Variants in SIK3 observed in about 807,000 individuals in gnomAD.
SIK3 encodes SIK family kinase 3, also known as serine/threonine-protein kinase SIK3.
Under a neutral mutation model 144.2 loss-of-function variants are expected in SIK3, and 28 were observed. That is an observed-to-expected ratio of 0.19 (90% CI 0.14 to 0.27). The LOEUF (loss-of-function observed/expected upper bound fraction) is 0.27, where lower values mean the gene tolerates loss of function less well. Among genes scored for constraint, SIK3 ranks in the 10% least tolerant of loss-of-function variants. The pLI is 1.00. For synonymous variants in SIK3, 686 were observed against 676.3 expected (o/e 1.01, Z -0.22); for missense variants, 1,319 against 1,776.0 (o/e 0.74, Z 4.62).
chr11:116,847,392 T>A, intron 23 of SIK3, 84 bp downstream of exon 23: 28 of 1,580,652 alleles, frequency 1.8e-5, no homozygotes, highest in Non-Finnish European at 2.4e-5. Flanking sequence ...GAGCTCTTCC[T>A]ACGAAGAGAG....
chr11:116,898,463 G>A (rs1294250271), intron 4 of SIK3, among the ~76,000 whole-genome samples: 1 of 151,894 alleles, frequency 6.6e-6, no homozygotes, highest in Non-Finnish European at 1.5e-5. Flanking sequence ...ATAGCAACAT[G>A]ATTTATAGTC....
In SIK3 at chr11:116,859,410, C is replaced by T; in HGVS notation, c.2620G>A (p.Ala874Thr). Residue 874 changes from alanine to threonine, a missense_variant, in exon 20 of 25, where the codon GCA (alanine) becomes ACA (threonine). Coordinates refer to ENST00000445177, the MANE Select transcript of SIK3 (RefSeq NM_001366686.3). The part of the protein sequence containing the change: ...DMLSNMPGTA[A>T]GSSGRGISIS... ...GAGATGCCGCGCCCACTGGAGCCTGCAGCTGTGCCTGGCATGTTGCTGAGC... is the reference window on the plus strand; with the variant it reads ...GAGATGCCGCGCCCACTGGAGCCTGTAGCTGTGCCTGGCATGTTGCTGAGC... 1 of 1,614,226 alleles carries T rather than the reference C, an allele frequency of 6.2e-7. No individual in the cohort carries two copies. The highest frequency in any genetic ancestry group is 8.5e-7 in the Non-Finnish European group (1 of 1,180,044).
At chr11:116,962,619 A>C (rs1949389276) in intron 1 of SIK3, among the ~76,000 whole-genome samples, 1 of 152,108 alleles carries the variant, frequency 6.6e-6, no homozygotes, top group South Asian at 2.1e-4. Context: ...TTTATGACAA[A>C]GCTTATCTAC....
At chr11:116,980,310 T>C (rs1050682625) in intron 1 of SIK3, among the ~76,000 whole-genome samples, 1 of 152,140 alleles carries the variant, frequency 6.6e-6, no homozygotes, top group Non-Finnish European at 1.5e-5. Flanking sequence ...TAGTTCCTGT[T>C]TCTGGTTGGT....
At chr11:116,896,416 AG>A (rs774131513) in intron 5 of SIK3, 40 bp from the exon 6 acceptor site, 2 of 1,602,918 alleles carry the variant, frequency 1.2e-6, no homozygotes, top group Admixed American at 3.4e-5. Context: ...TAATCACATC[AG>A]GGGAAACAAA....
intron 4 of SIK3, among the ~76,000 whole-genome samples, chr11:116,918,715 G>A (rs1025965508): frequency 6.6e-6 from 1 of 152,104 alleles, no homozygotes; most frequent in Non-Finnish European, 1.5e-5. Context: ...AGAAACCGTA[G>A]GCTAAATAGG....
At chr11:117,059,471 C>T (rs1953700405) in intron 1 of SIK3, among the ~76,000 whole-genome samples, 1 of 152,132 alleles carries the variant, frequency 6.6e-6, no homozygotes, top group African/African-American at 2.4e-5. Context: ...GACAAAAGCT[C>T]TTAGAGAGAC....
chr11:117,019,174 CA>C (rs1951662325), intron 1 of SIK3, among the ~76,000 whole-genome samples: 1 of 151,918 alleles, frequency 6.6e-6, no homozygotes, highest in Non-Finnish European at 1.5e-5. Flanking sequence ...TGCACACCGC[CA>C]CACCTGGCTA....
intron 1 of SIK3, among the ~76,000 whole-genome samples, chr11:117,064,897 C>T (rs1289242622): frequency 1.3e-5 from 2 of 152,168 alleles, no homozygotes; most frequent in African/African-American, 2.4e-5. Context: ...CGCCTGTAAT[C>T]CCAGCACTTT....
At chr11:116,957,891 TA>T (rs887026134) in intron 1 of SIK3, among the ~76,000 whole-genome samples, 129 of 152,330 alleles carry the variant, frequency 8.5e-4, no homozygotes, top group African/African-American at 3.0e-3. Flanking sequence ...CACTGCATCA[TA>T]AAACATATCT....
intron 22 of SIK3, 112 bp from the exon 23 acceptor site, chr11:116,847,720 C>T (rs377186936): frequency 3.0e-5 from 38 of 1,275,970 alleles, no homozygotes; most frequent in African/African-American, 2.1e-4. Flanking sequence ...GCCCGGGGCC[C>T]CACTCCAGAC....
chr11:116,870,009 C>T (rs1171147060), intron 14 of SIK3: 9 of 889,056 alleles, frequency 1.0e-5, no homozygotes, highest in African/African-American at 3.4e-5. Flanking sequence ...TTGGCAGGTA[C>T]GAGCAGGCTT....
rs759764303 is a variant in SIK3 at position 116,890,948 on chromosome 11, T to C, written c.865+5305A>G. Among the ~76,000 whole-genome samples the C allele has an allele frequency of 3.9e-5, 6 of 152,274 alleles. No homozygotes were observed. In the South Asian group the frequency reaches 1.2e-3, roughly 32 times the overall value. ...GCAGATAGGAGATCAATTTAGTAAG[T>C]CGAAATCAGCATTTTTTAAAATGGA... On this transcript the variant is annotated intron_variant, in intron 6 of 24. Coordinates refer to ENST00000445177, the MANE Select transcript of SIK3 (RefSeq NM_001366686.3).
At chr11:116,992,325 C>A (rs981123734) in intron 1 of SIK3, among the ~76,000 whole-genome samples, 28 of 131,728 alleles carry the variant, frequency 2.1e-4, no homozygotes, top group East Asian at 6.8e-4. Context: ...ACCCCCCCCC[C>A]CAAAAAAAAA....
At chr11:116,937,235 T>A (rs1346316687) in intron 3 of SIK3, among the ~76,000 whole-genome samples, 2 of 152,218 alleles carry the variant, frequency 1.3e-5, no homozygotes, top group African/African-American at 2.4e-5. Context: ...AATACAAATA[T>A]GCATGTGTAT....
rs570209531 is a variant in SIK3 at position 117,097,023 on chromosome 11, T to C, written c.273+1120A>G. Among the ~76,000 whole-genome samples the C allele has an allele frequency of 1.9e-4, 29 of 152,276 alleles. No individual in the cohort carries two copies. The South Asian group carries it at 2.1e-3, about 11-fold the overall frequency. On this transcript the variant is annotated intron_variant, in intron 1 of 24. Coordinates refer to ENST00000445177, the MANE Select transcript of SIK3 (RefSeq NM_001366686.3). ...TAAAAGTATTCATTCAAGTAAGATA[T>C]TGAGCAAAGAAAATTTTAGAGTAAA...
At chr11:116,859,011 G>A (rs1207792961) in intron 20 of SIK3, among the ~76,000 whole-genome samples, 1 of 152,112 alleles carries the variant, frequency 6.6e-6, no homozygotes. Flanking sequence ...TTCTTTGCAA[G>A]CAAATAATAA....
At position 116,896,384 on chromosome 11, in the gene SIK3, CCAAA is replaced by C. The variant is rs770629171; in HGVS notation, c.742-12_742-9del. ...GAGGACAACTCCAAGGCTCTGCATCCCAAACAGAGAGGATGTACAATTAATCACA... is the reference window on the plus strand; with the variant it reads ...GAGGACAACTCCAAGGCTCTGCATCCCAGAGAGGATGTACAATTAATCACA... On this transcript the variant is annotated splice_polypyrimidine_tract_variant and intron_variant, in intron 5 of 24. Transcript: ENST00000445177. The C allele has an allele frequency of 2.5e-6, 4 of 1,612,514 alleles. No homozygotes were observed. In the South Asian group the frequency reaches 3.3e-5, roughly 13 times the overall value.
At chr11:117,040,625 A>G (rs1351793662) in intron 1 of SIK3, among the ~76,000 whole-genome samples, 1 of 152,204 alleles carries the variant, frequency 6.6e-6, no homozygotes, top group East Asian at 1.9e-4. Flanking sequence ...CCAGACCATA[A>G]TACAAAAAGT....
Sources: allele counts gnomAD v4.1 joint callset (sites outside exome capture counted in the v4.1 genomes callset), GRCh38; gene constraint gnomAD v4.1.1; transcripts MANE v1.5; gene names NCBI Gene and HGNC (gene_info 2026-07-23, HGNC 2026-07-21).